PLAA: variants seen among roughly 807,000 people sequenced by gnomAD.
PLAA encodes the protein phospholipase A2 activating protein.
Under a neutral mutation model 84.1 loss-of-function variants are expected in PLAA, and 48 were observed. That is an observed-to-expected ratio of 0.57 (90% CI 0.45 to 0.73). The LOEUF (loss-of-function observed/expected upper bound fraction) is 0.73, where lower values mean the gene tolerates loss of function less well. Ranked by LOEUF, PLAA falls within the 30% of genes least tolerant of loss-of-function variation. PLAA has a pLI of 0.00. For missense variants in PLAA, 903 were observed against 954.7 expected (o/e 0.95, Z 0.71); for synonymous variants, 392 against 336.6 (o/e 1.16, Z -1.80).
Position 26,928,391 on chromosome 9 carries a change from C to T in PLAA, c.361G>A (p.Gly121Arg). Reference sequence around the variant, plus strand: ...CCACTAAGTAATGTCCCAAATTTTCCAGATGATAGACTACAAACTAAGGAA... The same window carrying T: ...CCACTAAGTAATGTCCCAAATTTTCTAGATGATAGACTACAAACTAAGGAA... Reference protein sequence around the residue: ...HKNTVCSLSSGKFGTLLSGSW... With the variant: ...HKNTVCSLSSRKFGTLLSGSW... Residue 121 changes from glycine (G) to arginine (R), a missense_variant, in exon 3 of 14, where the codon GGA (glycine) becomes AGA (arginine). Gly to Arg is a moderately radical substitution (Grantham distance 125). Coordinates refer to ENST00000397292, the MANE Select transcript of PLAA (RefSeq NM_001031689.3). 6.2e-7 allele frequency: 1 copy of T among 1,611,174 alleles called. No homozygotes were observed. Among genetic ancestry groups the T allele is most frequent in the Non-Finnish European group, 8.5e-7 (1 of 1,177,302 alleles).
chr9:26,925,104 C>T (rs1046985263), intron 6 of PLAA, among the ~76,000 whole-genome samples: 6 of 152,176 alleles, frequency 3.9e-5, no homozygotes, highest in Non-Finnish European at 8.8e-5. Context: ...ATCTCATTTA[C>T]TTATTTCCTA....
chr9:26,939,223 C>A (rs1223038385), intron 1 of PLAA, among the ~76,000 whole-genome samples: 1 of 151,784 alleles, frequency 6.6e-6, no homozygotes, highest in African/African-American at 2.4e-5. Flanking sequence ...CCCATCTCTA[C>A]TAAAAATACA....
chr9:26,916,982 A>ATTCCCTTATC, intron 10 of PLAA, 115 bp downstream of exon 10: 1 of 864,324 alleles, frequency 1.2e-6, no homozygotes, highest in Non-Finnish European at 1.8e-6. Context: ...AAAATTGGAA[A>ATTCCCTTATC]TGCAGATAAG....
intron 7 of PLAA, among the ~76,000 whole-genome samples, chr9:26,922,177 C>T (rs1303234873): frequency 2.6e-5 from 4 of 151,948 alleles, no homozygotes; most frequent in Non-Finnish European, 5.9e-5. Context: ...TTTTCTCACC[C>T]GGAATATTTA....
chr9:26,913,458 A>G (rs1189066122), intron 11 of PLAA, among the ~76,000 whole-genome samples: 1 of 152,250 alleles, frequency 6.6e-6, no homozygotes, highest in African/African-American at 2.4e-5. Flanking sequence ...AATCCAGTGA[A>G]TAACATTCTC....
At chr9:26,946,512 G>GGA (rs1491101522) in intron 1 of PLAA, among the ~76,000 whole-genome samples, 2 of 123,120 alleles carry the variant, frequency 1.6e-5, no homozygotes, top group African/African-American at 2.9e-5. Context: ...CATCTTCTTC[G>GGA]AAAAAAAAAA....
rs1824473459 is a variant in PLAA, at chr9:26,913,935, T to C, written c.1499A>G (p.Tyr500Cys). The C allele has an allele frequency of 6.2e-7, 1 of 1,611,496 alleles. No individual in the cohort carries two copies. The highest frequency in any genetic ancestry group is 8.5e-7 in the Non-Finnish European group (1 of 1,177,678). ...TADPFTGAGR[Y>C]VPGSASMGTT... is the part of the protein sequence containing the mutation. ...TCCCATACTTGCAGAACCTGGTACA[T>C]AACGACCAGCACCTACAATACAATA... The change falls in exon 11 of 14, where the codon TAT becomes TGT. Residue 500 changes from tyrosine to cysteine, a missense_variant. Transcript: ENST00000397292.
At position 26,907,928 on chromosome 9, in the gene PLAA, A is replaced by C. The variant is rs756045033; in HGVS notation, c.1728T>G (p.Leu576=). Residue 576 remains leucine, a synonymous_variant, in exon 13 of 14, where the codon CTT becomes CTG. Transcript: ENST00000397292. ...TACATATTAGAGACAGTATCTTCTCAAGAAGTATCAAGTCATCCTCAGTTA... is the reference window on the plus strand; with the variant it reads ...TACATATTAGAGACAGTATCTTCTCCAGAAGTATCAAGTCATCCTCAGTTA... ...KKLTEDDLIL[L]EKILSLICNS... The C allele has an allele frequency of 1.2e-6, 2 of 1,610,994 alleles. No individual in the cohort carries two copies. Among genetic ancestry groups the C allele is most frequent in the Admixed American group, 3.4e-5 (2 of 59,176 alleles).
rs1267420823 is a variant in PLAA, at chr9:26,913,930, G to C, written c.1504C>G (p.Pro502Ala). The change falls in exon 11 of 14, where the codon CCA becomes GCA. Residue 502 changes from proline to alanine, a missense_variant. By Grantham distance (27) the Pro-to-Ala change is conservative. Coordinates refer to ENST00000397292, the MANE Select transcript of PLAA (RefSeq NM_001031689.3). ...DPFTGAGRYV[P>A]GSASMGTTMA... ...GTAGTTCCCATACTTGCAGAACCTG[G>C]TACATAACGACCAGCACCTACAATA... The C allele has an allele frequency of 6.2e-7, 1 of 1,611,608 alleles. No homozygotes were observed. The highest frequency in any genetic ancestry group is 1.1e-5 in the South Asian group (1 of 90,994).
intron 10 of PLAA, among the ~76,000 whole-genome samples, chr9:26,915,348 A>T (rs1824515814): frequency 6.6e-6 from 1 of 152,206 alleles, no homozygotes; most frequent in Admixed American, 6.5e-5. Flanking sequence ...TCTCTTGGCC[A>T]TAGAACCCTG....
intron 13 of PLAA, 103 bp downstream of exon 13, chr9:26,907,730 AC>A: frequency 1.0e-6 from 1 of 960,084 alleles, no homozygotes; most frequent in African/African-American, 1.7e-5. Flanking sequence ...ATTTAGAACT[AC>A]CGAAGTTAAC....
chr9:26,937,916 T>G lies in PLAA; in HGVS notation c.150-2710A>C, dbSNP rs1825412492. Among the ~76,000 whole-genome samples the G allele has an allele frequency of 2.0e-5, 3 of 147,094 alleles. No homozygotes were observed. In the South Asian group the frequency reaches 6.5e-4, roughly 32 times the overall value. On this transcript the variant is annotated intron_variant, in intron 1 of 13. Transcript: ENST00000397292. Reference sequence around the variant, plus strand: ...AGCCTAAGGGACTTGTGGAACAACATGAGGTAGGCCAGCATACAGATTGTG... The same window carrying G: ...AGCCTAAGGGACTTGTGGAACAACAGGAGGTAGGCCAGCATACAGATTGTG...
Position 26,924,007 on chromosome 9 carries a change from T to C in PLAA, c.870-660A>G, listed in dbSNP as rs571640940. On this transcript the variant is annotated intron_variant, in intron 6 of 13. Coordinates refer to ENST00000397292, the MANE Select transcript of PLAA (RefSeq NM_001031689.3). ...ACAAACATGTACATCACTCGTTCTA[T>C]TGGTTTTTCTTCATATGCTTAGGAG... is the stretch of plus-strand genomic sequence containing the variant. 3.3e-5 allele frequency among the ~76,000 whole-genome samples: 5 copies of C among 152,336 alleles called. No individual in the cohort carries two copies. In the South Asian group the frequency reaches 1.0e-3, roughly 32 times the overall value.
chr9:26,923,303 G>C lies in PLAA; in HGVS notation c.914C>G (p.Ala305Gly). Residue 305 changes from alanine to glycine, a missense_variant, in exon 7 of 14, where the codon GCA becomes GGA. Coordinates refer to ENST00000397292, the MANE Select transcript of PLAA (RefSeq NM_001031689.3). ...RVFTESEDRT[A>G]SAEEIKAFEK... ...AAAAGCCTTGATTTCTTCAGCACTT[G>C]CTGTTCGATCTTCTGATTCTGTAAA... 6.2e-7 allele frequency: 1 copy of C among 1,613,424 alleles called. No homozygotes were observed. The highest frequency in any genetic ancestry group is 8.5e-7 in the Non-Finnish European group (1 of 1,179,588).
At chr9:26,934,098 G>C (rs1392491622) in intron 2 of PLAA, among the ~76,000 whole-genome samples, 1 of 152,068 alleles carries the variant, frequency 6.6e-6, no homozygotes, top group African/African-American at 2.4e-5. Context: ...TATGAGCCAT[G>C]GTGCCTGGCA....
chr9:26,911,898 T>G (rs1204556181), intron 11 of PLAA, among the ~76,000 whole-genome samples: 1 of 152,150 alleles, frequency 6.6e-6, no homozygotes, highest in East Asian at 1.9e-4. Context: ...ACGAAACACT[T>G]AGTGAGATTG....
intron 12 of PLAA, among the ~76,000 whole-genome samples, chr9:26,909,106 T>C (rs140818831): frequency 1.4e-4 from 21 of 152,314 alleles, no homozygotes; most frequent in African/African-American, 5.1e-4. Flanking sequence ...TATCATGACT[T>C]TGAGTTACTG....
chr9:26,920,203 A>G (rs377531422), intron 8 of PLAA, 24 bp downstream of exon 8: 1 of 1,597,432 alleles, frequency 6.3e-7, no homozygotes, highest in African/African-American at 1.3e-5. Context: ...GACAATAGTA[A>G]TTAGAAAGTA....
At chr9:26,930,586 T>C (rs1217217272) in intron 2 of PLAA, among the ~76,000 whole-genome samples, 62 of 151,914 alleles carry the variant, frequency 4.1e-4, no homozygotes, top group African/African-American at 1.5e-3. Context: ...CTGAGATTTT[T>C]TTTTTTTTTT....
Sources: gnomAD v4.1 joint callset for allele counts (sites outside exome capture counted in the v4.1 genomes callset) on GRCh38, gnomAD v4.1.1 for gene constraint, MANE v1.5 for transcripts, NCBI Gene and HGNC (gene_info 2026-07-23, HGNC 2026-07-21) for gene names.